Variants in DCAF6 observed in about 807,000 individuals in gnomAD.
DCAF6 encodes DDB1 and CUL4 associated factor 6.
Under a neutral mutation model 125.1 loss-of-function variants are expected in DCAF6, and 54 were observed. That is an observed-to-expected ratio of 0.43 (90% CI 0.35 to 0.54). The LOEUF (loss-of-function observed/expected upper bound fraction) is 0.54. DCAF6 is among the 20% of genes least tolerant of loss of function. The pLI, the probability that DCAF6 is intolerant of heterozygous loss-of-function variation, is 0.01. For synonymous variants in DCAF6, 371 were observed against 390.4 expected, an observed-to-expected ratio of 0.95 and a Z score of 0.58; for missense variants, 934 against 1,161.7, an observed-to-expected ratio of 0.80 and a Z score of 2.85.
At chr1:167,900,277 A>T in the DCAF6 span, among the ~76,000 whole-genome samples, 3 of 152,266 alleles carry the variant, frequency 2.0e-5, no homozygotes, top group East Asian at 5.8e-4. Flanking sequence ...TCTCTGCTAT[A>T]CTGATTTGTC....
chr1:167,950,981 T>C (rs893019483), intron 1 of DCAF6, among the ~76,000 whole-genome samples: 1 of 152,228 alleles, frequency 6.6e-6, no homozygotes, highest in Non-Finnish European at 1.5e-5. Context: ...GTACTTACTA[T>C]TGCTGTTTGC....
At chr1:168,069,934 TTTTAAAACAAGAAAAACG>T (rs1419539418) in intron 21 of DCAF6, among the ~76,000 whole-genome samples, 1 of 152,162 alleles carries the variant, frequency 6.6e-6, no homozygotes, top group African/African-American at 2.4e-5. Flanking sequence ...GGAAGCAGCA[TTTTAAAACAAGAAAAACG>T]TTTACTGGTA....
At chr1:167,904,052 A>G in the DCAF6 span, 1 of 979,452 alleles carries the variant, frequency 1.0e-6, no homozygotes, top group South Asian at 1.3e-5. Flanking sequence ...GAGCCAGAAG[A>G]GGACTACCCT....
chr1:167,865,851 C>G, the DCAF6 span, among the ~76,000 whole-genome samples: 1 of 152,328 alleles, frequency 6.6e-6, no homozygotes, highest in African/African-American at 2.4e-5. Context: ...AAGTGGTCCT[C>G]CAGTCCACCA....
chr1:168,002,655 T>C, intron 8 of DCAF6, 80 bp downstream of exon 8: 1 of 1,073,152 alleles, frequency 9.3e-7, no homozygotes, highest in Non-Finnish European at 1.4e-6. Flanking sequence ...TTCACTATTA[T>C]AAATTATTCT....
At chr1:167,879,902 T>C in the DCAF6 span, among the ~76,000 whole-genome samples, 2 of 152,160 alleles carry the variant, frequency 1.3e-5, no homozygotes, top group African/African-American at 4.8e-5. Flanking sequence ...TGCTCCCCTC[T>C]CATGACTACA....
At chr1:167,981,160 G>A (rs1361247753) in intron 4 of DCAF6, among the ~76,000 whole-genome samples, 5 of 151,870 alleles carry the variant, frequency 3.3e-5, no homozygotes, top group Non-Finnish European at 7.4e-5. Flanking sequence ...GCCCGTCTCC[G>A]CCTCCAAAGT....
At chr1:167,945,796 G>A (rs974385164) in intron 1 of DCAF6, among the ~76,000 whole-genome samples, 1 of 149,814 alleles carries the variant, frequency 6.7e-6, no homozygotes, top group East Asian at 1.9e-4. Flanking sequence ...CACCACACCC[G>A]GCCTTTTTTT....
chr1:167,966,553 C>T, intron 2 of DCAF6, 76 bp from the exon 3 acceptor site: 1 of 931,174 alleles, frequency 1.1e-6, no homozygotes, highest in South Asian at 1.4e-5. Flanking sequence ...AAATTTTGTA[C>T]CGCCAGGTGA....
At chr1:168,029,944 C>T (rs1028705696) in intron 12 of DCAF6, among the ~76,000 whole-genome samples, 16 of 150,628 alleles carry the variant, frequency 1.1e-4, no homozygotes, top group Admixed American at 4.6e-4. Context: ...TGCACCACTG[C>T]GCTCCAGCCT....
At chr1:167,867,018 T>C in the DCAF6 span, among the ~76,000 whole-genome samples, 2 of 152,246 alleles carry the variant, frequency 1.3e-5, no homozygotes, top group African/African-American at 4.8e-5. Flanking sequence ...AGGACATCAT[T>C]AGCTAATGAA....
At chr1:167,904,980 C>G in the DCAF6 span, 1 of 1,614,184 alleles carries the variant, frequency 6.2e-7, no homozygotes, top group Non-Finnish European at 8.5e-7. Flanking sequence ...ACAAACATCC[C>G]TTTTGCACTT....
chr1:168,020,241 G>A (rs749719878), intron 11 of DCAF6, among the ~76,000 whole-genome samples: 1 of 152,130 alleles, frequency 6.6e-6, no homozygotes, highest in Non-Finnish European at 1.5e-5. Flanking sequence ...TTTTACAGAT[G>A]GAGAAACTGA....
chr1:167,873,413 C>T, the DCAF6 span, among the ~76,000 whole-genome samples: 1 of 152,048 alleles, frequency 6.6e-6, no homozygotes, highest in African/African-American at 2.4e-5. Flanking sequence ...GATTGTGGCC[C>T]AATATTTCTC....
chr1:167,958,803 C>T (rs1675152585), intron 2 of DCAF6, among the ~76,000 whole-genome samples: 1 of 152,184 alleles, frequency 6.6e-6, no homozygotes, highest in East Asian at 1.9e-4. Flanking sequence ...TGCCCACATA[C>T]TTGCATAGCA....
Position 167,986,138 on chromosome 1 carries a change from C to T in DCAF6, c.439-1357C>T, listed in dbSNP as rs148872436. ...TTATTGTTGGATATTTGGGTTGTTT[C>T]AAGTGTTTGGCTAATATAAATAGTG... is the stretch of plus-strand genomic sequence containing the variant. On this transcript the variant is annotated intron_variant, in intron 4 of 21. Transcript: ENST00000367840. 2.0e-3 allele frequency among the ~76,000 whole-genome samples: 297 copies of T among 152,242 alleles called. 2 individuals carry two copies. Among genetic ancestry groups the T allele is most frequent in the African/African-American group, 6.7e-3 (277 of 41,544 alleles).
upstream of DCAF6, among the ~76,000 whole-genome samples, chr1:167,934,136 A>C (rs1418613661): frequency 1.3e-5 from 2 of 152,226 alleles, no homozygotes; most frequent in Non-Finnish European, 2.9e-5. Flanking sequence ...CACATCCTGC[A>C]AGTGAAAGGT....
At chr1:168,005,370 C>A (rs1311590125) in intron 10 of DCAF6, among the ~76,000 whole-genome samples, 2 of 152,014 alleles carry the variant, frequency 1.3e-5, no homozygotes, top group East Asian at 3.8e-4. Context: ...AAAATAACCT[C>A]TACGTTCTGT....
At chr1:168,014,178 A>G (rs575666796) in intron 10 of DCAF6, among the ~76,000 whole-genome samples, 4 of 152,322 alleles carry the variant, frequency 2.6e-5, no homozygotes, top group East Asian at 3.9e-4. Flanking sequence ...ACCTGCTGCT[A>G]TCAGATTTTG....
Sources: allele counts gnomAD v4.1 joint callset (sites outside exome capture counted in the v4.1 genomes callset), GRCh38; gene constraint gnomAD v4.1.1; transcripts MANE v1.5; gene names NCBI Gene and HGNC (gene_info 2026-07-23, HGNC 2026-07-21).